The following CASK variants were observed in gnomAD, a reference collection of about 807,000 sequenced individuals.
The protein encoded by CASK is calcium/calmodulin dependent serine protein kinase, also known as peripheral plasma membrane protein CASK.
A neutral mutation model predicts 82.9 loss-of-function variants in CASK; 4 were observed. That is an observed-to-expected ratio of 0.05 (90% confidence interval 0.02 to 0.11). The LOEUF is 0.11. CASK is among the 10% of genes least tolerant of loss of function. CASK has a pLI of 1.00. For synonymous variants in CASK, 259 were observed against 253.5 expected (o/e 1.02, Z -0.20); for missense variants, 358 against 720.9 (o/e 0.50, Z 5.76).
chrX:41,617,524 C>A (rs931394304), intron 11 of CASK, among the ~76,000 whole-genome samples: 1 of 112,231 alleles, frequency 8.9e-6, no homozygotes, highest in African/African-American at 3.2e-5. Context: ...TCTGTCTTCA[C>A]CCTTGATTAT....
chrX:41,548,897 T>C (rs1309117429), intron 21 of CASK, among the ~76,000 whole-genome samples: 2 of 112,047 alleles, frequency 1.8e-5, no homozygotes, highest in Admixed American at 9.5e-5. Context: ...AGGAATGAAA[T>C]TGATTTTTAC....
At chrX:41,808,645 C>T (rs780692045) in intron 2 of CASK, among the ~76,000 whole-genome samples, 3 of 112,181 alleles carry the variant, frequency 2.7e-5, no homozygotes, top group Admixed American at 1.9e-4. Context: ...CCAGCGTGAG[C>T]GACGCAGAAG....
At chrX:41,816,862 G>C (rs780232481) in intron 2 of CASK, among the ~76,000 whole-genome samples, 1 of 111,057 alleles carries the variant, frequency 9.0e-6, no homozygotes, top group South Asian at 3.8e-4. Context: ...GTTAAAAATC[G>C]TCCTTCAAAG....
chrX:41,661,312 T>C lies in CASK; in HGVS notation c.709-751A>G, dbSNP rs138185374. The stretch of plus-strand genomic sequence containing the variant: ...AAATCAGAGTGGTTAGGGCATGGGG[T>C]TGGGAAGGCAAGTGGGGAAAGGAGA... On this transcript the variant is annotated intron_variant, in intron 7 of 26. Transcript: ENST00000378163. Among the ~76,000 whole-genome samples, 735 of 109,891 alleles carry C rather than the reference T, an allele frequency of 6.7e-3. 12 individuals carry two copies. The highest frequency in any genetic ancestry group is 0.023 in the African/African-American group (699 of 30,178).
At chrX:41,699,931 GA>G (rs1032978651) in intron 5 of CASK, among the ~76,000 whole-genome samples, 24 of 111,615 alleles carry the variant, frequency 2.2e-4, no homozygotes, top group African/African-American at 6.8e-4. Context: ...TTGCAAGCAG[GA>G]AACAGTTCCT....
chrX:41,705,505 C>T (rs2067870455), intron 5 of CASK, among the ~76,000 whole-genome samples: 3 of 110,673 alleles, frequency 2.7e-5, no homozygotes, highest in African/African-American at 6.6e-5. Context: ...CAGTGAACTA[C>T]GATCATGTTA....
chrX:41,626,677 A>G lies in CASK; in HGVS notation c.942T>C (p.Ser314=), dbSNP rs1354620232. 1 of 1,201,648 alleles carries G rather than the reference A, an allele frequency of 8.3e-7. No homozygotes were observed. Among genetic ancestry groups the G allele is most frequent in the Non-Finnish European group, 1.1e-6 (1 of 885,990 alleles). ...CCCCATAGAATGAGTTGAATTTGTG[A>G]CTTGACACAGCGGCTAGTACTGCAC... is the stretch of plus-strand genomic sequence containing the variant. The part of the protein sequence containing the change: ...LKGAVLAAVS[S]HKFNSFYGDP... The change falls in exon 10 of 27, where the codon AGT becomes AGC. Residue 314 remains serine (S), a synonymous_variant. Coordinates refer to ENST00000378163, the MANE Select transcript of CASK (RefSeq NM_001367721.1).
chrX:41,779,645 GATTAT>G (rs2069435807), intron 3 of CASK, among the ~76,000 whole-genome samples: 2 of 111,610 alleles, frequency 1.8e-5, no homozygotes, highest in South Asian at 7.4e-4. Flanking sequence ...AATCAAAATA[GATTAT>G]ATAAGACTAG....
intron 3 of CASK, among the ~76,000 whole-genome samples, chrX:41,759,636 G>A (rs1038494020): frequency 1.8e-5 from 2 of 111,583 alleles, no homozygotes; most frequent in African/African-American, 6.5e-5. Context: ...CCTACACATC[G>A]GTTTTAGGCT....
chrX:41,530,287 G>C (rs1417970282), intron 25 of CASK, among the ~76,000 whole-genome samples: 1 of 111,769 alleles, frequency 8.9e-6, no homozygotes, highest in East Asian at 2.8e-4. Flanking sequence ...CAGCTTGTCA[G>C]CATTTTTGAT....
intron 14 of CASK, among the ~76,000 whole-genome samples, chrX:41,580,032 G>C (rs959220629): frequency 1.2e-4 from 13 of 111,417 alleles, no homozygotes; most frequent in African/African-American, 4.2e-4. Context: ...TGAAAGTAGT[G>C]CTCCATGATG....
At chrX:41,702,966 T>A (rs2067828572) in intron 5 of CASK, among the ~76,000 whole-genome samples, 2 of 111,859 alleles carry the variant, frequency 1.8e-5, no homozygotes, top group African/African-American at 6.5e-5. Flanking sequence ...CCTACCCTTA[T>A]TAGTTTTGCT....
intron 7 of CASK, among the ~76,000 whole-genome samples, chrX:41,662,042 C>T (rs2067041993): frequency 1.8e-5 from 2 of 111,424 alleles, no homozygotes; most frequent in Admixed American, 9.5e-5. Flanking sequence ...GAAGGATACT[C>T]CCTTGTCCTT....
chrX:41,893,925 C>G (rs1295115273), intron 1 of CASK, among the ~76,000 whole-genome samples: 1 of 111,588 alleles, frequency 9.0e-6, no homozygotes, highest in East Asian at 2.8e-4. Context: ...CTGAGTGGAT[C>G]AGAATCCAGA....
At chrX:41,805,213 G>T (rs563153375) in intron 2 of CASK, among the ~76,000 whole-genome samples, 8 of 111,911 alleles carry the variant, frequency 7.1e-5, no homozygotes, top group African/African-American at 2.6e-4. Flanking sequence ...AATGTCATTA[G>T]TTGCAATGCC....
At chrX:41,812,774 C>T (rs1361605081) in intron 2 of CASK, among the ~76,000 whole-genome samples, 4 of 111,115 alleles carry the variant, frequency 3.6e-5, no homozygotes, top group Non-Finnish European at 3.8e-5. Context: ...TAAAGGGTAA[C>T]CAATTAGGAA....
intron 1 of CASK, among the ~76,000 whole-genome samples, chrX:41,877,974 A>G (rs1210127986): frequency 9.0e-6 from 1 of 110,527 alleles, no homozygotes; most frequent in Non-Finnish European, 1.9e-5. Context: ...TAAATTTTTA[A>G]TGGGAAAGAA....
intron 3 of CASK, among the ~76,000 whole-genome samples, chrX:41,785,468 T>A (rs2069576179): frequency 8.9e-6 from 1 of 112,179 alleles, no homozygotes; most frequent in Non-Finnish European, 1.9e-5. Context: ...TATGACTTTG[T>A]TCTGAATACT....
rs193296586 is a variant in CASK at position 41,601,739 on chromosome X, A to T, written c.1155+8165T>A. 7.2e-4 allele frequency among the ~76,000 whole-genome samples: 81 copies of T among 111,815 alleles called. 2 individuals carry two copies. In the East Asian group the frequency reaches 0.02, roughly 28 times the overall value. On this transcript the variant is annotated intron_variant, in intron 12 of 26. Transcript: ENST00000378163. ...GCCTAACCCAAGGTAATGAAGATTT[A>T]TTCCTATATTCTTTTAAAAGTTTTA...
Sources: allele counts gnomAD v4.1 joint callset (sites outside exome capture counted in the v4.1 genomes callset), GRCh38; gene constraint gnomAD v4.1.1; transcripts MANE v1.5; gene names NCBI Gene and HGNC (gene_info 2026-07-23, HGNC 2026-07-21).